MACF1: variants seen among roughly 807,000 people sequenced by gnomAD.
MACF1 encodes the protein microtubule-actin cross-linking factor 1.
Under a neutral mutation model 854.8 loss-of-function variants are expected in MACF1, and 193 were observed. The observed-to-expected ratio is 0.23, with a 90% CI of 0.20 to 0.25. MACF1 has a LOEUF of 0.25. Ranked by LOEUF, MACF1 falls within the 10% of genes least tolerant of loss-of-function variation. The pLI is 1.00. For missense variants in MACF1, 7,722 were observed against 8,929.1 expected (o/e 0.86, Z 5.45); for synonymous variants, 3,185 against 3,226.7 (o/e 0.99, Z 0.44).
chr1:39,295,962 T>C (rs1645891730), intron 20 of MACF1, 80 bp downstream of exon 20: 1 of 1,230,348 alleles, frequency 8.1e-7, no homozygotes, highest in Non-Finnish European at 1.2e-6. Flanking sequence ...TGCGTTAGTG[T>C]GCTTTTGTTG....
intron 2 of MACF1, among the ~76,000 whole-genome samples, chr1:39,087,900 G>C (rs952955212): frequency 6.6e-6 from 1 of 151,688 alleles, no homozygotes; most frequent in Admixed American, 6.6e-5. Flanking sequence ...AGCCTCCCGA[G>C]TAGCAGGGAT....
chr1:39,413,252 C>T (rs920730201), intron 58 of MACF1: 3 of 1,611,484 alleles, frequency 1.9e-6, no homozygotes, highest in Non-Finnish European at 2.5e-6. Flanking sequence ...AGAGTGTCCA[C>T]CCCAGAGGAG....
intron 84 of MACF1, among the ~76,000 whole-genome samples, chr1:39,449,352 C>T (rs1332068674): frequency 6.6e-6 from 1 of 152,114 alleles, no homozygotes; most frequent in African/African-American, 2.4e-5. Flanking sequence ...TATTTGTACC[C>T]ACTATGCCAT....
chr1:39,189,499 C>T (rs1160800894), intron 2 of MACF1, among the ~76,000 whole-genome samples: 1 of 152,202 alleles, frequency 6.6e-6, no homozygotes, highest in Non-Finnish European at 1.5e-5. Flanking sequence ...ACTTACCTCT[C>T]TCTGAGCCTC....
At position 39,283,995 on chromosome 1, in the gene MACF1, T is replaced by G. The variant is rs1645600437; in HGVS notation, c.916-71T>G. ...GGATTTTATATAGTTTGGAGTGGCC[T>G]GAGCTACTTTCTCTTGTGCTTGTTT... On this transcript the variant is annotated intron_variant, in intron 9 of 100. Coordinates refer to ENST00000564288, the MANE Select transcript of MACF1 (RefSeq NM_001394062.1). This position sits in a 1 kb window ranked among gnomAD's most constrained non-coding sequence, Gnocchi z 4.5. 92 of 1,554,700 alleles carry G rather than the reference T, an allele frequency of 5.9e-5. No individual in the cohort carries two copies. Among genetic ancestry groups the G allele is most frequent in the Non-Finnish European group, 6.9e-5 (78 of 1,138,544 alleles).
At chr1:39,124,098 C>G (rs1339957359) in intron 2 of MACF1, among the ~76,000 whole-genome samples, 1 of 147,908 alleles carries the variant, frequency 6.8e-6, no homozygotes, top group Non-Finnish European at 1.5e-5. Context: ...GTTGCCCAGG[C>G]TGGTCTCAAG....
chr1:39,433,818 G>C (rs1428682902), intron 68 of MACF1, among the ~76,000 whole-genome samples: 1 of 152,090 alleles, frequency 6.6e-6, no homozygotes, highest in Non-Finnish European at 1.5e-5. Context: ...GGTGGCTCAC[G>C]CCTGTAATCC....
intron 2 of MACF1, among the ~76,000 whole-genome samples, chr1:39,089,289 T>C (rs1157083175): frequency 1.3e-5 from 2 of 152,178 alleles, no homozygotes; most frequent in Non-Finnish European, 2.9e-5. Context: ...GAGCTAAGGA[T>C]TGGATCCCTC....
chr1:39,234,395 C>T (rs1484756018), intron 2 of MACF1, among the ~76,000 whole-genome samples: 6 of 150,984 alleles, frequency 4.0e-5, no homozygotes, highest in Admixed American at 2.0e-4. Context: ...ACCTTCCGGG[C>T]GGGGCGGCTG....
chr1:39,446,181 A>G (rs896277155), intron 80 of MACF1, among the ~76,000 whole-genome samples: 3 of 152,228 alleles, frequency 2.0e-5, no homozygotes, highest in Non-Finnish European at 4.4e-5. Context: ...TTGCAGAAAC[A>G]TTACCTTCAG....
Position 39,335,582 on chromosome 1 carries a change from G to A in MACF1, c.8994G>A (p.Lys2998=). 1.2e-6 allele frequency: 2 copies of A among 1,614,160 alleles called. No homozygotes were observed. Among genetic ancestry groups the A allele is most frequent in the Non-Finnish European group, 1.7e-6 (2 of 1,180,022 alleles). ...AACCAGCATTTCTTTCTGAAGAAAA[G>A]TTGTATCAGGAAACTGCCATTAGAG... ...TCKPAFLSEE[K]LYQETAIRDE... The change falls in exon 37 of 101, where the codon AAG becomes AAA. Residue 2998 remains lysine, a synonymous_variant. Coordinates refer to ENST00000564288, the MANE Select transcript of MACF1 (RefSeq NM_001394062.1).
chr1:39,234,213 T>C (rs1035469878), intron 2 of MACF1, among the ~76,000 whole-genome samples: 1 of 151,936 alleles, frequency 6.6e-6, no homozygotes, highest in Non-Finnish European at 1.5e-5. Context: ...ACGGCAACCA[T>C]CCGATTTCTC....
chr1:39,393,549 C>T (rs1025907058), intron 58 of MACF1, among the ~76,000 whole-genome samples: 4 of 152,006 alleles, frequency 2.6e-5, no homozygotes, highest in African/African-American at 9.7e-5. Flanking sequence ...TGGCTCACAC[C>T]TATAATCATA....
Position 39,333,138 on chromosome 1 carries a change from C to T in MACF1, c.6550C>T (p.His2184Tyr). Residue 2184 changes from histidine (H) to tyrosine (Y), a missense_variant, in exon 37 of 101, where the codon CAT (histidine) becomes TAT (tyrosine). Around this residue, in one of 15 missense-constraint regions of MACF1, gnomAD observed 1,531 missense variants for 1,601.6 expected, o/e 0.96. Coordinates refer to ENST00000564288, the MANE Select transcript of MACF1 (RefSeq NM_001394062.1). ...QAHTLETEYI[H>Y]DETGGSHIKP... Reference sequence around the variant, plus strand: ...ACACACTCTTGAGACTGAATATATTCATGATGAAACTGGAGGATCTCACAT... The same window carrying T: ...ACACACTCTTGAGACTGAATATATTTATGATGAAACTGGAGGATCTCACAT... The T allele has an allele frequency of 6.2e-7, 1 of 1,613,976 alleles. No individual in the cohort carries two copies. The highest frequency in any genetic ancestry group is 8.5e-7 in the Non-Finnish European group (1 of 1,180,012).
Position 39,387,560 on chromosome 1 carries a change from G to A in MACF1, c.14718G>A (p.Gln4906=). ...TCAAGGATTGTATGCAGAAAGCTCAGAAATATCAGTGGCATGTGGAAGACC... is the reference window on the plus strand; with the variant it reads ...TCAAGGATTGTATGCAGAAAGCTCAAAAATATCAGTGGCATGTGGAAGACC... ...SRLKDCMQKA[Q]KYQWHVEDLV... The change falls in exon 58 of 101, where the codon CAG becomes CAA. Residue 4906 remains glutamine, a synonymous_variant. Coordinates refer to ENST00000564288, the MANE Select transcript of MACF1 (RefSeq NM_001394062.1). The A allele has an allele frequency of 6.2e-7, 1 of 1,614,092 alleles. No homozygotes were observed.
chr1:39,384,359 A>G (rs986466175), intron 56 of MACF1, among the ~76,000 whole-genome samples: 2 of 152,082 alleles, frequency 1.3e-5, no homozygotes, highest in Admixed American at 1.3e-4. Context: ...TGTCTTATTT[A>G]TTTTTGTGCA....
At chr1:39,085,709 T>G (rs1641656805) in intron 2 of MACF1, among the ~76,000 whole-genome samples, 1 of 152,170 alleles carries the variant, frequency 6.6e-6, no homozygotes, top group Admixed American at 6.5e-5. Context: ...ATTCTATTAC[T>G]CGGCTGCTTA....
At chr1:39,137,734 G>A (rs1168035652) in intron 2 of MACF1, among the ~76,000 whole-genome samples, 5 of 152,098 alleles carry the variant, frequency 3.3e-5, no homozygotes, top group Admixed American at 6.5e-5. Context: ...TCAATTAAAA[G>A]TATTGCATTA....
In MACF1 at chr1:39,437,905, C is replaced by T. The variant is rs752767911; in HGVS notation, c.18117C>T (p.Thr6039=). The change falls in exon 71 of 101, where the codon ACC becomes ACT. Residue 6039 remains threonine (T), a synonymous_variant. Coordinates refer to ENST00000564288, the MANE Select transcript of MACF1 (RefSeq NM_001394062.1). ...GCATCAGTGACAATAAGAGTGCCAC[C>T]GTGGAGCTAGAAAAACTGCAGCCAT... ...RECISDNKSA[T]VELEKLQPSF... is the part of the protein sequence containing the mutation. 26 of 1,613,958 alleles carry T rather than the reference C, an allele frequency of 1.6e-5. No homozygotes were observed. The East Asian group carries it at 2.7e-4, about 17-fold the overall frequency.
Sources: allele counts gnomAD v4.1 joint callset (sites outside exome capture counted in the v4.1 genomes callset), GRCh38; gene constraint gnomAD v4.1.1; regional missense constraint gnomAD v4.1.1; non-coding constraint Gnocchi (gnomAD v3.1); transcripts MANE v1.5; gene names NCBI Gene and HGNC (gene_info 2026-07-23, HGNC 2026-07-21).